The following CHURC1 variants were observed in gnomAD, a reference collection of about 807,000 sequenced individuals.
CHURC1 encodes churchill domain containing 1.
A neutral mutation model predicts 15.4 loss-of-function variants in CHURC1; 12 were observed. The observed-to-expected ratio is 0.78, with a 90% CI of 0.50 to 1.27. The LOEUF is 1.27. CHURC1 is among the 50% of genes most tolerant of loss of function. CHURC1 has a pLI of 0.00. For synonymous variants in CHURC1, 42 were observed against 47.5 expected (o/e 0.88, Z 0.48); for missense variants, 132 against 137.8 (o/e 0.96, Z 0.21).
Position 64,924,126 on chromosome 14 carries a change from C to T in CHURC1, c.175C>T (p.His59Tyr), listed in dbSNP as rs757610764. 11 of 1,600,908 alleles carry T rather than the reference C, an allele frequency of 6.9e-6. No homozygotes were observed. Among genetic ancestry groups the T allele is most frequent in the East Asian group, 4.5e-5 (2 of 44,528 alleles). The change falls in exon 2 of 4, where the codon CAT (histidine) becomes TAT (tyrosine). Residue 59 changes from histidine (H) to tyrosine (Y), a missense_variant and splice_region_variant. Transcript: ENST00000549115. ...TGGAGAAGAAATAGTTACCTATGAT[C>T]GTAAGTAGACTTTATTTTTTAACCT... is the stretch of plus-strand genomic sequence containing the variant. ...EDGEEIVTYD[H>Y]LCKNCHHVIA...
In CHURC1 at chr14:64,918,691, G is replaced by A. The variant is rs753623636; in HGVS notation, c.39+4157G>A. ...AAAAATTAAAAAACATTAGCCAGGC[G>A]TGGTGGTGTGTGCCTATAGTTCCAC... On this transcript the variant is annotated intron_variant, in intron 1 of 3. Coordinates refer to ENST00000549115, the MANE Select transcript of CHURC1 (RefSeq NM_001386928.1). Among the ~76,000 whole-genome samples the A allele has an allele frequency of 5.3e-5, 8 of 152,222 alleles. No individual in the cohort carries two copies. In the South Asian group the frequency reaches 8.3e-4, roughly 16 times the overall value.
chr14:64,916,586 T>A (rs1032432088), intron 1 of CHURC1, among the ~76,000 whole-genome samples: 1 of 152,048 alleles, frequency 6.6e-6, no homozygotes, highest in Non-Finnish European at 1.5e-5. Flanking sequence ...TTGTTGTTGT[T>A]TTTGTTTTTG....
chr14:64,922,532 T>C (rs10131002), intron 1 of CHURC1, among the ~76,000 whole-genome samples: 39,122 of 142,388 alleles, frequency 0.27, 5,909 homozygotes, highest in African/African-American at 0.42. Flanking sequence ...GAGCCGAGAG[T>C]GTGCCACTGC....
At position 64,914,522 on chromosome 14, in the gene CHURC1, A is replaced by C. The variant is rs756855297; in HGVS notation, c.27A>C (p.Glu9Asp). ...TGTGTGGCGACTGTGTGGAGAAGGA[A>C]TATCCCAACCGGGTGAGCGACTGGG... The part of the protein sequence containing the change: MCGDCVEK[E>D]YPNRGNTCLE... Residue 9 changes from glutamate to aspartate, a missense_variant, in exon 1 of 4, where the codon GAA becomes GAC. Glu to Asp is a conservative substitution (Grantham distance 45, BLOSUM62 2). Coordinates refer to ENST00000549115, the MANE Select transcript of CHURC1 (RefSeq NM_001386928.1). 4 of 1,614,114 alleles carry C rather than the reference A, an allele frequency of 2.5e-6. No individual in the cohort carries two copies. The highest frequency in any genetic ancestry group is 2.7e-5 in the African/African-American group (2 of 74,950).
intron 3 of CHURC1, chr14:64,930,740 G>A (rs990669252): frequency 9.3e-6 from 4 of 430,584 alleles, no homozygotes; most frequent in East Asian, 7.1e-5. Context: ...TATTTGTTTA[G>A]CCTCACACAT....
At chr14:64,917,621 T>C (rs1055992880) in intron 1 of CHURC1, among the ~76,000 whole-genome samples, 1 of 152,030 alleles carries the variant, frequency 6.6e-6, no homozygotes, top group African/African-American at 2.4e-5. Flanking sequence ...CGTGGTGGCA[T>C]GCACCTGTAG....
In CHURC1 at chr14:64,932,444, C is replaced by A. The variant is rs1165739410; in HGVS notation, c.*214C>A. 7.9e-7 allele frequency: 1 copy of A among 1,266,708 alleles called. No individual in the cohort carries two copies. The highest frequency in any genetic ancestry group is 3.6e-5 in the Admixed American group (1 of 27,906). 78.5% of individuals were successfully genotyped at this position (1,266,708 alleles called of 1,614,324 possible). On this transcript the variant is annotated 3_prime_UTR_variant, in exon 4 of 4. Coordinates refer to ENST00000549115, the MANE Select transcript of CHURC1 (RefSeq NM_001386928.1). ...AAGTTCAAAGTTCACATCAGTGTAG[C>A]CAGAGTGAAGCATCTTTGTTAGCAG...
chr14:64,919,374 TA>T (rs1315573417), intron 1 of CHURC1, among the ~76,000 whole-genome samples: 1 of 152,214 alleles, frequency 6.6e-6, no homozygotes, highest in Non-Finnish European at 1.5e-5. Context: ...ATTTGTCATT[TA>T]AAGCTAAGCT....
chr14:64,915,542 G>A (rs1883824371), intron 1 of CHURC1, among the ~76,000 whole-genome samples: 1 of 152,198 alleles, frequency 6.6e-6, no homozygotes, highest in Non-Finnish European at 1.5e-5. Context: ...TGGAGGATGG[G>A]GGAAAATTAC....
intron 2 of CHURC1, among the ~76,000 whole-genome samples, chr14:64,925,226 A>T (rs1267288184): frequency 6.6e-6 from 1 of 152,234 alleles, no homozygotes; most frequent in Non-Finnish European, 1.5e-5. Context: ...TTAAATATTT[A>T]AAATAGTAAG....
chr14:64,920,619 T>TCTTC (rs1884215259), intron 1 of CHURC1, among the ~76,000 whole-genome samples: 1 of 152,264 alleles, frequency 6.6e-6, no homozygotes, highest in Admixed American at 6.5e-5. Context: ...TAGATACTTC[T>TCTTC]CTTCCTTCAG....
intron 1 of CHURC1, among the ~76,000 whole-genome samples, chr14:64,917,836 G>A (rs186184162): frequency 9.2e-5 from 14 of 152,338 alleles, no homozygotes; most frequent in South Asian, 6.2e-4. Context: ...TGGGATGTTG[G>A]AAGTATCATT....
intron 1 of CHURC1, among the ~76,000 whole-genome samples, chr14:64,915,534 G>A (rs1280518191): frequency 6.6e-6 from 1 of 152,226 alleles, no homozygotes; most frequent in Non-Finnish European, 1.5e-5. Flanking sequence ...TGAGGAGCTG[G>A]AGGATGGGGG....
intron 1 of CHURC1, among the ~76,000 whole-genome samples, chr14:64,919,364 A>G (rs1884114171): frequency 6.6e-6 from 1 of 152,178 alleles, no homozygotes; most frequent in African/African-American, 2.4e-5. Flanking sequence ...CTTGTTTTGT[A>G]TTTGTCATTT....
At position 64,933,588 on chromosome 14, in the gene CHURC1, A is replaced by T. The variant is rs536911004; in HGVS notation, c.*1358A>T. The T allele has an allele frequency of 2.2e-5, 22 of 980,910 alleles. No homozygotes were observed. The African/African-American group carries it at 3.8e-4, about 17-fold the overall frequency. The allele number at this position is 980,910 out of a possible 1,614,324, so 60.8% of individuals were successfully genotyped here. A position where few individuals can be genotyped will look rare whatever the true frequency, so the allele number is the denominator to read the frequency against. On this transcript the variant is annotated 3_prime_UTR_variant, in exon 4 of 4. Coordinates refer to ENST00000549115, the MANE Select transcript of CHURC1 (RefSeq NM_001386928.1). ...ACATTCATCACAGTATTGTTAGGAGATTTAAATGAATTAGTGAATGTAAGA... is the reference window on the plus strand; with the variant it reads ...ACATTCATCACAGTATTGTTAGGAGTTTTAAATGAATTAGTGAATGTAAGA...
Position 64,933,899 on chromosome 14 carries a change from C to T in CHURC1, c.*1669C>T. 3.0e-6 allele frequency: 3 copies of T among 984,064 alleles called. No homozygotes were observed. In the South Asian group the frequency reaches 1.4e-4, roughly 46 times the overall value. The allele number at this position is 984,064 out of a possible 1,614,324, so 61.0% of individuals were successfully genotyped here. ...GCTTTTTAAGCACTTATTTAATCCT[C>T]ATTAACAAATTCATAAGGTAGGTGC... is the stretch of plus-strand genomic sequence containing the variant. On this transcript the variant is annotated 3_prime_UTR_variant, in exon 4 of 4. Coordinates refer to ENST00000549115, the MANE Select transcript of CHURC1 (RefSeq NM_001386928.1).
At position 64,918,089 on chromosome 14, in the gene CHURC1, C is replaced by T. The variant is rs576534963; in HGVS notation, c.39+3555C>T. Among the ~76,000 whole-genome samples the T allele has an allele frequency of 3.9e-5, 6 of 152,250 alleles. No individual in the cohort carries two copies. In the East Asian group the frequency reaches 7.7e-4, roughly 20 times the overall value. On this transcript the variant is annotated intron_variant, in intron 1 of 3. Transcript: ENST00000549115. ...GACTGAGCTCCAAAGACTAAATTAACTTCAGAAATGAAAATAAAGTATAAG... is the reference window on the plus strand; with the variant it reads ...GACTGAGCTCCAAAGACTAAATTAATTTCAGAAATGAAAATAAAGTATAAG...
Position 64,924,124 on chromosome 14 carries a change from A to T in CHURC1, c.173A>T (p.Asp58Val), listed in dbSNP as rs372872055. ...GATGGAGAAGAAATAGTTACCTATG[A>T]TCGTAAGTAGACTTTATTTTTTAAC... Reference protein sequence around the residue: ...EEDGEEIVTYDHLCKNCHHVI... With the variant: ...EEDGEEIVTYVHLCKNCHHVI... Residue 58 changes from aspartate to valine, a missense_variant and splice_region_variant, in exon 2 of 4, where the codon GAT becomes GTT. Coordinates refer to ENST00000549115, the MANE Select transcript of CHURC1 (RefSeq NM_001386928.1). The T allele has an allele frequency of 1.1e-5, 18 of 1,606,334 alleles. No individual in the cohort carries two copies. Among genetic ancestry groups the T allele is most frequent in the Non-Finnish European group, 1.5e-5 (18 of 1,176,142 alleles).
Position 64,934,778 on chromosome 14 carries a change from G to A in CHURC1, c.*2548G>A, listed in dbSNP as rs1011241311. Reference sequence around the variant, plus strand: ...AATGCTTCCAACTTAGTCATTTGAAGCCCAAGAGTCTAATTTTATATGCCC... The same window carrying A: ...AATGCTTCCAACTTAGTCATTTGAAACCCAAGAGTCTAATTTTATATGCCC... On this transcript the variant is annotated 3_prime_UTR_variant, in exon 4 of 4. Coordinates refer to ENST00000549115, the MANE Select transcript of CHURC1 (RefSeq NM_001386928.1). 3 of 985,254 alleles carry A rather than the reference G, an allele frequency of 3.0e-6. No individual in the cohort carries two copies. The African/African-American group carries it at 5.2e-5, about 17-fold the overall frequency. 61.0% of individuals were successfully genotyped at this position (985,254 alleles called of 1,614,324 possible). A position where few individuals can be genotyped will look rare whatever the true frequency, so the allele number is the denominator to read the frequency against.
Sources: gnomAD v4.1 joint callset for allele counts (sites outside exome capture counted in the v4.1 genomes callset) on GRCh38, gnomAD v4.1.1 for gene constraint, MANE v1.5 for transcripts, NCBI Gene and HGNC (gene_info 2026-07-23, HGNC 2026-07-21) for gene names.